The following ULK4 variants were observed in gnomAD, a reference collection of about 807,000 sequenced individuals.
ULK4 encodes inactive serine/threonine-protein kinase ULK4.
In ULK4, 133 loss-of-function variants were observed where a neutral mutation model predicts 160.6. The ratio of observed to expected loss-of-function variants is 0.83; its 90% CI spans 0.72 to 0.96. The LOEUF (loss-of-function observed/expected upper bound fraction) is 0.96, where lower values mean the gene tolerates loss of function less well. ULK4 is among the 40% of genes least tolerant of loss of function. ULK4 has a pLI of 0.00. For missense variants in ULK4, 1,580 were observed against 1,499.5 expected (o/e 1.05, Z -0.89); for synonymous variants, 534 against 539.8 (o/e 0.99, Z 0.15).
chr3:41,557,597 C>T (rs1399793287), intron 32 of ULK4, among the ~76,000 whole-genome samples: 1 of 125,114 alleles, frequency 8.0e-6, no homozygotes, highest in Non-Finnish European at 1.8e-5. Flanking sequence ...AAGACCCTGT[C>T]TCCACCAAAA....
chr3:41,516,556 T>C (rs1244266620), intron 32 of ULK4, among the ~76,000 whole-genome samples: 2 of 152,084 alleles, frequency 1.3e-5, no homozygotes, highest in African/African-American at 4.8e-5. Flanking sequence ...TGAAGGTCAT[T>C]GGGTTAAGTG....
intron 32 of ULK4, among the ~76,000 whole-genome samples, chr3:41,547,458 T>G (rs1407139728): frequency 6.6e-6 from 1 of 152,040 alleles, no homozygotes; most frequent in East Asian, 1.9e-4. Context: ...GGCTCTCCAG[T>G]ATAGGGAAAG....
At chr3:41,429,947 A>G (rs967077891) in intron 34 of ULK4, among the ~76,000 whole-genome samples, 1 of 152,210 alleles carries the variant, frequency 6.6e-6, no homozygotes, top group Non-Finnish European at 1.5e-5. Context: ...ACAGAATTAT[A>G]TGGCCTAGAA....
chr3:41,262,256 G>A (rs189539925), intron 35 of ULK4, among the ~76,000 whole-genome samples: 9 of 152,182 alleles, frequency 5.9e-5, no homozygotes, highest in Non-Finnish European at 1.0e-4. Flanking sequence ...ATTCTGCCAT[G>A]GGGGGAGCTA....
chr3:41,394,754 C>A (rs568465663), intron 35 of ULK4, among the ~76,000 whole-genome samples: 1 of 152,192 alleles, frequency 6.6e-6, no homozygotes, highest in African/African-American at 2.4e-5. Context: ...TTCAAGACCA[C>A]AACTGAGTTG....
At chr3:41,262,114 C>A (rs1391837509) in intron 35 of ULK4, among the ~76,000 whole-genome samples, 2 of 152,188 alleles carry the variant, frequency 1.3e-5, no homozygotes, top group African/African-American at 4.8e-5. Flanking sequence ...TGCTTCCTGC[C>A]CCAGTCACCA....
chr3:41,729,282 G>A (rs915334905), intron 22 of ULK4, among the ~76,000 whole-genome samples: 1 of 152,172 alleles, frequency 6.6e-6, no homozygotes, highest in Non-Finnish European at 1.5e-5. Context: ...TAGCTCCCAC[G>A]AATGTCATGA....
At position 41,482,558 on chromosome 3, in the gene ULK4, G is replaced by A. The variant is rs79128800; in HGVS notation, c.3227-19305C>T. ...ATATTCTCCTTTTCACTTGGCTATG[G>A]TGAGTTAAGTTTCTAATATGAGCAG... On this transcript the variant is annotated intron_variant, in intron 32 of 36. Transcript: ENST00000301831. 4.9e-3 allele frequency among the ~76,000 whole-genome samples: 748 copies of A among 152,304 alleles called. 10 individuals are homozygous for A. Among genetic ancestry groups the A allele is most frequent in the African/African-American group, 0.013 (541 of 41,568 alleles).
At chr3:41,383,036 C>T (rs1006206946) in intron 35 of ULK4, among the ~76,000 whole-genome samples, 11 of 151,182 alleles carry the variant, frequency 7.3e-5, no homozygotes, top group Non-Finnish European at 1.3e-4. Flanking sequence ...AGAGAAGGCC[C>T]CTTAAAAAAT....
At chr3:41,810,931 G>T (rs1038278259) in intron 19 of ULK4, among the ~76,000 whole-genome samples, 1 of 152,038 alleles carries the variant, frequency 6.6e-6, no homozygotes, top group African/African-American at 2.4e-5. Flanking sequence ...TGTTGCCCAG[G>T]CTGAAGGGCA....
rs1343345490 is a variant in ULK4, at chr3:41,300,836, ATTATATATATATATATATAT to A, written c.3679-51282_3679-51263del. On this transcript the variant is annotated intron_variant, in intron 35 of 36. Transcript: ENST00000301831. ...TGATTAAATTTTGATCATTTTACAG[ATTATATATATATATATATAT>A]ATATATATATATATATATATATATA... 3.2e-3 allele frequency among the ~76,000 whole-genome samples: 252 copies of A among 79,460 alleles called. 9 individuals carry two copies. Among genetic ancestry groups the A allele is most frequent in the African/African-American group, 0.013 (236 of 18,546 alleles). The allele number at this position is 79,460 out of a possible 152,430, so 52.1% of individuals were successfully genotyped here.
Position 41,800,203 on chromosome 3 carries a change from C to A in ULK4, c.1939G>T (p.Glu647Ter). Residue 647 changes from glutamate to a stop codon, truncating the protein, a stop_gained, in exon 20 of 37, where the codon GAA becomes TAA. Coordinates refer to ENST00000301831, the MANE Select transcript of ULK4 (RefSeq NM_017886.4). LOFTEE classifies it high-confidence loss of function. ...SAQSQGFITG[E>*]IGPILWYLFR... ...AGGTACCACAAAATGGGTCCTATTTCTCCTGTAATAAAGCCCTGGGACTGA... is the reference window on the plus strand; with the variant it reads ...AGGTACCACAAAATGGGTCCTATTTATCCTGTAATAAAGCCCTGGGACTGA... The A allele has an allele frequency of 6.2e-7, 1 of 1,613,788 alleles. No homozygotes were observed.
chr3:41,688,060 G>A (rs566882172), intron 27 of ULK4: 2 of 152,398 alleles, frequency 1.3e-5, no homozygotes, highest in East Asian at 3.9e-4. Context: ...CTTACGTCAA[G>A]AACTTCCTCC....
At position 41,849,966 on chromosome 3, in the gene ULK4, C is replaced by A. The variant is rs139688158; in HGVS notation, c.1657-13995G>T. ...TCCTAATGCTATCCCTTCCCCTCCC[C>A]GCACCCCACAACAGGCCCTGGTGTG... On this transcript the variant is annotated intron_variant, in intron 17 of 36. Transcript: ENST00000301831. Among the ~76,000 whole-genome samples the A allele has an allele frequency of 7.8e-3, 1,181 of 152,218 alleles. 44 individuals are homozygous for A. The East Asian group carries it at 0.12, about 16-fold the overall frequency.
chr3:41,779,749 A>G (rs1169232274), intron 21 of ULK4, among the ~76,000 whole-genome samples: 1 of 72,532 alleles, frequency 1.4e-5, no homozygotes, highest in Non-Finnish European at 2.6e-5. Context: ...AAAACCAAAC[A>G]CCGCATATTC....
At chr3:41,501,927 T>C (rs1184778127) in intron 32 of ULK4, among the ~76,000 whole-genome samples, 6 of 152,222 alleles carry the variant, frequency 3.9e-5, no homozygotes, top group South Asian at 2.1e-4. Context: ...GTACTACACA[T>C]ATAAGTGAGA....
At chr3:41,620,263 G>A (rs896384083) in intron 30 of ULK4, among the ~76,000 whole-genome samples, 9 of 152,084 alleles carry the variant, frequency 5.9e-5, no homozygotes, top group African/African-American at 2.2e-4. Context: ...CATTTTATGA[G>A]GCTAGCATCA....
At chr3:41,447,144 G>T (rs2083316351) in intron 34 of ULK4, among the ~76,000 whole-genome samples, 1 of 142,732 alleles carries the variant, frequency 7.0e-6, no homozygotes, top group East Asian at 2.1e-4. Flanking sequence ...TAATTAGCTA[G>T]ACTTTGCTTT....
At position 41,681,582 on chromosome 3, in the gene ULK4, C is replaced by A; in HGVS notation, c.2904G>T (p.Gly968=). The change falls in exon 29 of 37, where the codon GGG becomes GGT. Residue 968 remains glycine (G), a synonymous_variant. Transcript: ENST00000301831. ...TTSLLVNQEF[G]DGKEKASVDS... is the part of the protein sequence containing the mutation. ...CAACACTGGCCTTCTCCTTGCCATC[C>A]CCAAACTCCTGGTTCACGAGTAGAG... The A allele has an allele frequency of 1.2e-6, 2 of 1,613,948 alleles. No homozygotes were observed. The highest frequency in any genetic ancestry group is 2.2e-5 in the East Asian group (1 of 44,852).
Sources: gnomAD v4.1 joint callset for allele counts (sites outside exome capture counted in the v4.1 genomes callset) on GRCh38, gnomAD v4.1.1 for gene constraint, MANE v1.5 for transcripts, NCBI Gene and HGNC (gene_info 2026-07-23, HGNC 2026-07-21) for gene names.